NIBAN1: variants seen among roughly 807,000 people sequenced by gnomAD.
The protein encoded by NIBAN1 is niban apoptosis regulator 1.
NIBAN1 carries 81 observed loss-of-function variants against 75.1 expected under a neutral mutation model. The ratio of observed to expected loss-of-function variants is 1.08; its 90% CI spans 0.90 to 1.30. The LOEUF is 1.30. Ranked by LOEUF, NIBAN1 falls within the 50% of genes most tolerant of loss-of-function variation. The pLI is 0.00. For missense variants in NIBAN1, 1,133 were observed against 1,128.1 expected (o/e 1.00, Z -0.06); for synonymous variants, 436 against 424.8 (o/e 1.03, Z -0.32).
intron 9 of NIBAN1, among the ~76,000 whole-genome samples, chr1:184,809,663 ATG>A (rs1227949630): frequency 1.8e-4 from 24 of 132,176 alleles, no homozygotes; most frequent in Non-Finnish European, 2.6e-4. Context: ...ACACATATAT[ATG>A]TGTGTGTGTA....
intron 1 of NIBAN1, among the ~76,000 whole-genome samples, chr1:184,920,529 C>T (rs1657501905): frequency 1.3e-5 from 2 of 152,116 alleles, no homozygotes; most frequent in Non-Finnish European, 2.9e-5. Flanking sequence ...CCAACCTCTC[C>T]CTATTCCCTT....
chr1:184,796,132 G>T (rs746072459), intron 13 of NIBAN1, 35 bp from the exon 14 acceptor site: 3 of 1,485,874 alleles, frequency 2.0e-6, no homozygotes, highest in African/African-American at 1.4e-5. Context: ...ATGATTTTCT[G>T]ATTTTATTGA....
rs1453967958 is a variant in NIBAN1 at position 184,838,204 on chromosome 1, C to T, written c.602-6242G>A. Among the ~76,000 whole-genome samples the T allele has an allele frequency of 6.6e-5, 10 of 152,272 alleles. No individual in the cohort carries two copies. The East Asian group carries it at 1.2e-3, about 18-fold the overall frequency. On this transcript the variant is annotated intron_variant, in intron 5 of 13. Transcript: ENST00000367511. ...TAGCCTGTATTTCTGCTTTTGACTT[C>T]GAAGGACAGATTTTTAACATTATCT...
rs923894056 is a variant in NIBAN1 at position 184,915,239 on chromosome 1, T to C, written c.56-15930A>G. ...CAGACCTACTCAATCAGAATCTATA[T>C]GAGGGAAGTCAGAGAAACTGTGTTT... On this transcript the variant is annotated intron_variant, in intron 1 of 13. Coordinates refer to ENST00000367511, the MANE Select transcript of NIBAN1 (RefSeq NM_052966.4). Among the ~76,000 whole-genome samples, 4 of 152,240 alleles carry C rather than the reference T, an allele frequency of 2.6e-5. No individual in the cohort carries two copies. In the East Asian group the frequency reaches 7.7e-4, roughly 29 times the overall value.
chr1:184,837,207 A>C (rs1463706839), intron 5 of NIBAN1, among the ~76,000 whole-genome samples: 1 of 152,194 alleles, frequency 6.6e-6, no homozygotes, highest in Non-Finnish European at 1.5e-5. Context: ...CCAATAAGCA[A>C]ATTGAGAGTT....
chr1:184,936,735 C>A (rs2102041468), intron 1 of NIBAN1, among the ~76,000 whole-genome samples: 1 of 152,250 alleles, frequency 6.6e-6, no homozygotes, highest in South Asian at 2.1e-4. Flanking sequence ...CCTCCCTCTG[C>A]TTTTCTCTTA....
chr1:184,970,375 G>A (rs186439536), intron 1 of NIBAN1, among the ~76,000 whole-genome samples: 152 of 152,212 alleles, frequency 1.0e-3, no homozygotes, highest in African/African-American at 3.5e-3. Flanking sequence ...AATTATGACC[G>A]AAGAAGCAAA....
chr1:184,828,858 A>AGTGAGCC (rs1654918007), intron 6 of NIBAN1, among the ~76,000 whole-genome samples: 1 of 151,582 alleles, frequency 6.6e-6, no homozygotes. Context: ...GTGTAGTGGC[A>AGTGAGCC]CAATCACAGC....
intron 5 of NIBAN1, among the ~76,000 whole-genome samples, chr1:184,844,110 C>T (rs143891442): frequency 1.5e-3 from 225 of 152,284 alleles, no homozygotes; most frequent in African/African-American, 4.9e-3. Context: ...TGTTGACAAA[C>T]GGGTCTTGGT....
chr1:184,891,039 T>A (rs977248124), intron 3 of NIBAN1, among the ~76,000 whole-genome samples: 1 of 152,146 alleles, frequency 6.6e-6, no homozygotes, highest in Non-Finnish European at 1.5e-5. Context: ...AAATCTAGAA[T>A]TTACTCTTGG....
At chr1:184,919,618 G>T (rs1657476802) in intron 1 of NIBAN1, among the ~76,000 whole-genome samples, 1 of 152,038 alleles carries the variant, frequency 6.6e-6, no homozygotes, top group South Asian at 2.1e-4. Context: ...AAGAAGAAAA[G>T]AAATGAGCTG....
intron 5 of NIBAN1, among the ~76,000 whole-genome samples, chr1:184,861,649 AAAGG>A (rs904370100): frequency 7.6e-5 from 11 of 144,842 alleles, no homozygotes; most frequent in South Asian, 2.4e-4. Flanking sequence ...AGGAGAAGGA[AAAGG>A]AAGGAAGGAA....
intron 1 of NIBAN1, among the ~76,000 whole-genome samples, chr1:184,955,539 A>C (rs1172795993): frequency 6.6e-6 from 1 of 151,826 alleles, no homozygotes; most frequent in African/African-American, 2.4e-5. Flanking sequence ...GGGTTTCACC[A>C]TGTTGGCCAG....
chr1:184,929,543 A>C (rs1187499490), intron 1 of NIBAN1, among the ~76,000 whole-genome samples: 1 of 151,308 alleles, frequency 6.6e-6, no homozygotes, highest in African/African-American at 2.4e-5. Context: ...CTTTTTTTTT[A>C]TAAATAGCAA....
At chr1:184,838,432 T>A (rs1655196233) in intron 5 of NIBAN1, among the ~76,000 whole-genome samples, 1 of 152,176 alleles carries the variant, frequency 6.6e-6, no homozygotes, top group Non-Finnish European at 1.5e-5. Context: ...TGAGAAACGA[T>A]AAGCATTTGG....
At chr1:184,966,591 CAA>C (rs1658790194) in intron 1 of NIBAN1, among the ~76,000 whole-genome samples, 1 of 152,086 alleles carries the variant, frequency 6.6e-6, no homozygotes. Flanking sequence ...TTTGGAGAAA[CAA>C]AGAGGTCTAG....
chr1:184,822,759 G>T (rs760057426), intron 8 of NIBAN1, among the ~76,000 whole-genome samples: 2 of 152,180 alleles, frequency 1.3e-5, no homozygotes, highest in Non-Finnish European at 2.9e-5. Context: ...AATATTTGCT[G>T]AGTCTGTATA....
At chr1:184,869,803 A>C (rs1656054866) in intron 5 of NIBAN1, among the ~76,000 whole-genome samples, 2 of 152,088 alleles carry the variant, frequency 1.3e-5, no homozygotes, top group Admixed American at 6.6e-5. Context: ...TGGCCTCCCA[A>C]CGTGCTAGGA....
At chr1:184,925,917 GTAAC>G (rs1390968678) in intron 1 of NIBAN1, among the ~76,000 whole-genome samples, 1 of 152,108 alleles carries the variant, frequency 6.6e-6, no homozygotes, top group Non-Finnish European at 1.5e-5. Context: ...TGTACTTACT[GTAAC>G]TAGTGAGTTT....
Sources: gnomAD v4.1 joint callset for allele counts (sites outside exome capture counted in the v4.1 genomes callset) on GRCh38, gnomAD v4.1.1 for gene constraint, MANE v1.5 for transcripts, NCBI Gene and HGNC (gene_info 2026-07-23, HGNC 2026-07-21) for gene names.